IL1RAPL1: variants seen among roughly 807,000 people sequenced by gnomAD.
IL1RAPL1 encodes interleukin 1 receptor accessory protein like 1.
IL1RAPL1 carries 3 observed loss-of-function variants against 48.4 expected under a neutral mutation model. That is an observed-to-expected ratio of 0.06 (90% confidence interval 0.03 to 0.16). The LOEUF (loss-of-function observed/expected upper bound fraction) is 0.16. Among genes scored for constraint, IL1RAPL1 ranks in the 10% least tolerant of loss-of-function variants. IL1RAPL1 has a pLI of 1.00. For synonymous variants in IL1RAPL1, 185 were observed against 187.7 expected, an observed-to-expected ratio of 0.99 and a Z score of 0.12; for missense variants, 349 against 530.6, an observed-to-expected ratio of 0.66 and a Z score of 3.36.
At chrX:29,634,630 A>G (rs1214565171) in intron 5 of IL1RAPL1, among the ~76,000 whole-genome samples, 1 of 111,271 alleles carries the variant, frequency 9.0e-6, no homozygotes, top group Non-Finnish European at 1.9e-5. Context: ...GGGTGTGGTG[A>G]TGGTGGTGGT....
chrX:28,961,395 A>G (rs1363121958), intron 2 of IL1RAPL1, among the ~76,000 whole-genome samples: 3 of 111,015 alleles, frequency 2.7e-5, no homozygotes, highest in Non-Finnish European at 5.7e-5. Context: ...GGTTTGTTAC[A>G]TAGGTATACA....
At chrX:29,722,662 G>A (rs747936521) in intron 6 of IL1RAPL1, among the ~76,000 whole-genome samples, 7 of 111,193 alleles carry the variant, frequency 6.3e-5, no homozygotes, top group Non-Finnish European at 9.4e-5. Flanking sequence ...CATTCTTTTC[G>A]TGATTATTAC....
intron 5 of IL1RAPL1, among the ~76,000 whole-genome samples, chrX:29,652,464 G>A (rs1925549817): frequency 9.0e-6 from 1 of 111,187 alleles, no homozygotes; most frequent in Non-Finnish European, 1.9e-5. Flanking sequence ...GAGGGATACA[G>A]CATTCTAGAA....
At chrX:29,718,372 A>T (rs1927539496) in intron 6 of IL1RAPL1, among the ~76,000 whole-genome samples, 1 of 107,634 alleles carries the variant, frequency 9.3e-6, no homozygotes, top group South Asian at 4.3e-4. Context: ...CCCAAACACC[A>T]CATGTTCTCA....
chrX:29,381,828 AAAAAAATATATATATATAT>A (rs1173142350), intron 3 of IL1RAPL1, among the ~76,000 whole-genome samples: 3,056 of 39,691 alleles, frequency 0.077, 166 homozygotes, highest in Admixed American at 0.31. Context: ...AAAAAAAAAA[AAAAAAATATATATATATAT>A]ATATATATAT....
chrX:29,110,078 G>A (rs1928529962), intron 2 of IL1RAPL1, among the ~76,000 whole-genome samples: 1 of 111,581 alleles, frequency 9.0e-6, no homozygotes, highest in Admixed American at 9.5e-5. Context: ...GTTTAAAAAA[G>A]CCTTTGGTAA....
intron 1 of IL1RAPL1, among the ~76,000 whole-genome samples, chrX:28,643,006 A>G (rs1181769149): frequency 9.0e-6 from 1 of 110,580 alleles, no homozygotes; most frequent in Non-Finnish European, 1.9e-5. Flanking sequence ...CTCCTCTCTC[A>G]GCCTCCCAAG....
intron 1 of IL1RAPL1, among the ~76,000 whole-genome samples, chrX:28,665,280 C>T (rs1199406592): frequency 9.0e-6 from 1 of 110,751 alleles, no homozygotes; most frequent in African/African-American, 3.3e-5. Context: ...TTATCTAGAC[C>T]CATACTTGAT....
At chrX:28,945,520 T>C (rs1442993940) in intron 2 of IL1RAPL1, among the ~76,000 whole-genome samples, 2 of 110,670 alleles carry the variant, frequency 1.8e-5, no homozygotes, top group Non-Finnish European at 3.8e-5. Context: ...AAATAACACA[T>C]GTTCTCACTC....
chrX:29,143,055 A>G (rs922901124), intron 2 of IL1RAPL1, among the ~76,000 whole-genome samples: 7 of 111,443 alleles, frequency 6.3e-5, no homozygotes, highest in African/African-American at 2.3e-4. Context: ...CTGGAATCAG[A>G]AAAAATAAAA....
chrX:29,925,150 C>A (rs1932875732), intron 8 of IL1RAPL1, among the ~76,000 whole-genome samples: 1 of 110,977 alleles, frequency 9.0e-6, no homozygotes, highest in South Asian at 3.8e-4. Context: ...TATGTTAAAG[C>A]CAAACTTCGT....
intron 6 of IL1RAPL1, among the ~76,000 whole-genome samples, chrX:29,738,750 T>C (rs777892349): frequency 9.8e-5 from 11 of 112,164 alleles, no homozygotes; most frequent in Non-Finnish European, 1.9e-4. Context: ...GTCATTTTGT[T>C]ACCGTTAACA....
intron 2 of IL1RAPL1, among the ~76,000 whole-genome samples, chrX:28,988,986 T>A (rs1701984790): frequency 8.9e-6 from 1 of 112,084 alleles, no homozygotes; most frequent in South Asian, 3.7e-4. Flanking sequence ...ATTGCAGAAC[T>A]CTAGAAGTAT....
At chrX:29,388,978 GCTTA>G (rs1464044080) in intron 3 of IL1RAPL1, among the ~76,000 whole-genome samples, 4 of 112,113 alleles carry the variant, frequency 3.6e-5, no homozygotes, top group Admixed American at 9.5e-5. Context: ...ACAGCATACA[GCTTA>G]CTTCTTTATT....
intron 6 of IL1RAPL1, among the ~76,000 whole-genome samples, chrX:29,752,376 G>A (rs902124399): frequency 1.9e-5 from 2 of 105,911 alleles, no homozygotes; most frequent in Non-Finnish European, 3.9e-5. Flanking sequence ...TGCGCCTGTA[G>A]TCCCAGCTAC....
At chrX:29,917,345 C>A in intron 6 of IL1RAPL1, 119 bp from the exon 7 acceptor site, 1 of 668,879 alleles carries the variant, frequency 1.5e-6, no homozygotes, top group Admixed American at 3.5e-5. Context: ...AAAAATTATT[C>A]TTTTAGAAAG....
At chrX:28,764,978 A>G (rs1936219062) in intron 1 of IL1RAPL1, among the ~76,000 whole-genome samples, 1 of 110,828 alleles carries the variant, frequency 9.0e-6, no homozygotes, top group African/African-American at 3.3e-5. Flanking sequence ...CAGCCATAAA[A>G]AAGGATGAGT....
chrX:29,284,864 A>G (rs1932257333), intron 3 of IL1RAPL1, among the ~76,000 whole-genome samples: 1 of 112,509 alleles, frequency 8.9e-6, no homozygotes, highest in Non-Finnish European at 1.9e-5. Context: ...GAGGTTTTGT[A>G]GGGGTACAGA....
intron 2 of IL1RAPL1, among the ~76,000 whole-genome samples, chrX:29,098,077 G>A (rs990988207): frequency 7.1e-5 from 8 of 112,424 alleles, no homozygotes; most frequent in African/African-American, 9.7e-5. Flanking sequence ...TTAGAAAGGC[G>A]TAATGAAATT....
Sources: gnomAD v4.1 joint callset for allele counts (sites outside exome capture counted in the v4.1 genomes callset) on GRCh38, gnomAD v4.1.1 for gene constraint, MANE v1.5 for transcripts, NCBI Gene and HGNC (gene_info 2026-07-23, HGNC 2026-07-21) for gene names.